IER3IP1: variants seen among roughly 807,000 people sequenced by gnomAD.
IER3IP1 encodes the protein immediate early response 3 interacting protein 1.
IER3IP1 carries 16 observed loss-of-function variants against 12.2 expected under a neutral mutation model. That is an observed-to-expected ratio of 1.31 (90% CI 0.89 to 1.99). IER3IP1 has a LOEUF of 1.99. IER3IP1 is among the 30% of genes most tolerant of loss of function. The probability of loss-of-function intolerance (pLI) is 0.00; values close to 1 mark genes in which losing one functional copy is unlikely to be tolerated. For synonymous variants in IER3IP1, 42 were observed against 40.0 expected (o/e 1.05, Z -0.19); for missense variants, 95 against 95.8 (o/e 0.99, Z 0.03).
intron 2 of IER3IP1, 119 bp downstream of exon 2, chr18:47,157,317 T>A (rs995455081): frequency 2.6e-6 from 2 of 768,238 alleles, no homozygotes; most frequent in Non-Finnish European, 4.4e-6. Context: ...AGCAAAGCCA[T>A]GTTAAAGAGA....
At position 47,159,355 on chromosome 18, in the gene IER3IP1, C is replaced by T. The variant is rs138176488; in HGVS notation, c.92-1818G>A. ...AAATTTTATTTTTCACTAATGCAGA[C>T]AGATATAAAGAACCTTTCTTTATTT... is the stretch of plus-strand genomic sequence containing the variant. On this transcript the variant is annotated intron_variant, in intron 1 of 2. Transcript: ENST00000256433. Among the ~76,000 whole-genome samples, 7 of 152,282 alleles carry T rather than the reference C, an allele frequency of 4.6e-5. No individual in the cohort carries two copies. The East Asian group carries it at 1.2e-3, about 25-fold the overall frequency.
intron 1 of IER3IP1, among the ~76,000 whole-genome samples, chr18:47,168,131 A>T (rs2064002257): frequency 1.6e-5 from 2 of 125,858 alleles, no homozygotes; most frequent in African/African-American, 6.2e-5. Flanking sequence ...GTCTCAAAAA[A>T]AAAAAAAAAA....
intron 1 of IER3IP1, among the ~76,000 whole-genome samples, chr18:47,158,383 C>G (rs1291725155): frequency 1.3e-5 from 2 of 152,010 alleles, no homozygotes; most frequent in African/African-American, 2.4e-5. Context: ...TGGAGTTGCC[C>G]AGGCTGGAGT....
rs2063954548 is a variant in IER3IP1, at chr18:47,155,309, C to G, written c.*868G>C. Reference sequence around the variant, plus strand: ...TCACACTCCACAATGTGCTGCTCCACCAAGAAATAGAAATGTAATGATTTT... The same window carrying G: ...TCACACTCCACAATGTGCTGCTCCAGCAAGAAATAGAAATGTAATGATTTT... On this transcript the variant is annotated 3_prime_UTR_variant, in exon 3 of 3. Transcript: ENST00000256433. The G allele has an allele frequency of 6.6e-6, 1 of 152,148 alleles. No homozygotes were observed. Among genetic ancestry groups the G allele is most frequent in the Admixed American group, 6.5e-5 (1 of 15,272 alleles). 9.4% of individuals were successfully genotyped at this position (152,148 alleles called of 1,614,324 possible).
chr18:47,173,901 A>G (rs994074172), intron 1 of IER3IP1, among the ~76,000 whole-genome samples: 1 of 152,148 alleles, frequency 6.6e-6, no homozygotes, highest in Non-Finnish European at 1.5e-5. Flanking sequence ...CTCAGTTGTC[A>G]CATGATCTTC....
At chr18:47,163,825 C>T (rs2063987473) in intron 1 of IER3IP1, among the ~76,000 whole-genome samples, 1 of 152,074 alleles carries the variant, frequency 6.6e-6, no homozygotes, top group African/African-American at 2.4e-5. Context: ...ACATGAATAT[C>T]CTGAGGGCTA....
chr18:47,171,565 T>G (rs1781302418), intron 1 of IER3IP1, among the ~76,000 whole-genome samples: 1 of 152,240 alleles, frequency 6.6e-6, no homozygotes, highest in Admixed American at 6.5e-5. Context: ...GATTTCCCAT[T>G]TACTTGAGTC....
chr18:47,157,564 TAA>T (rs760964246), intron 1 of IER3IP1, 27 bp from the exon 2 acceptor site: 47 of 1,587,976 alleles, frequency 3.0e-5, no homozygotes, highest in Non-Finnish European at 3.9e-5. Flanking sequence ...TTAGCTGTGT[TAA>T]AAGTTATTAC....
At chr18:47,164,478 G>A (rs1213649663) in intron 1 of IER3IP1, among the ~76,000 whole-genome samples, 1 of 151,886 alleles carries the variant, frequency 6.6e-6, no homozygotes, top group Non-Finnish European at 1.5e-5. Context: ...GCTTTAAGAA[G>A]CATTGCTGTT....
At chr18:47,168,301 C>CAAAAAAAAAAAAAAAAA (rs35347851) in intron 1 of IER3IP1, among the ~76,000 whole-genome samples, 2 of 107,166 alleles carry the variant, frequency 1.9e-5, no homozygotes, top group African/African-American at 3.8e-5. Context: ...GACTCCATCA[C>CAAAAAAAAAAAAAAAAA]AAAAAAAAAA....
intron 1 of IER3IP1, among the ~76,000 whole-genome samples, chr18:47,158,806 C>CA (rs2063970068): frequency 6.6e-6 from 1 of 151,576 alleles, no homozygotes; most frequent in South Asian, 2.1e-4. Flanking sequence ...ACTAAAAATA[C>CA]AAAAATTAGC....
At chr18:47,157,357 T>C (rs2144423024) in intron 2 of IER3IP1, 79 bp downstream of exon 2, 2 of 1,154,096 alleles carry the variant, frequency 1.7e-6, no homozygotes, top group African/African-American at 1.5e-5. Context: ...ATGGCATATA[T>C]GGTATTCACA....
chr18:47,159,707 A>C (rs2063973470), intron 1 of IER3IP1, among the ~76,000 whole-genome samples: 1 of 152,212 alleles, frequency 6.6e-6, no homozygotes, highest in Admixed American at 6.5e-5. Flanking sequence ...GATATTCCTT[A>C]AGAGCTGGTT....
At chr18:47,157,000 C>T in intron 2 of IER3IP1, 1 of 179,122 alleles carries the variant, frequency 5.6e-6, no homozygotes, top group Non-Finnish European at 1.2e-5. Context: ...CCATGTTGGC[C>T]AGGCTGGTCT....
At chr18:47,170,562 CTTCT>C (rs2064012090) in intron 1 of IER3IP1, among the ~76,000 whole-genome samples, 1 of 152,016 alleles carries the variant, frequency 6.6e-6, no homozygotes, top group Non-Finnish European at 1.5e-5. Context: ...GATCTTTAAT[CTTCT>C]TTCTTTCAAC....
intron 1 of IER3IP1, among the ~76,000 whole-genome samples, chr18:47,175,527 A>T (rs1281815528): frequency 6.6e-6 from 1 of 152,044 alleles, no homozygotes; most frequent in Non-Finnish European, 1.5e-5. Flanking sequence ...GCAATGGCGC[A>T]ATCTCGGCTC....
At position 47,172,468 on chromosome 18, in the gene IER3IP1, T is replaced by C. The variant is rs2064018611; in HGVS notation, c.91+3719A>G. 6.6e-6 allele frequency among the ~76,000 whole-genome samples: 1 copy of C among 152,152 alleles called. No homozygotes were observed. The highest frequency in any genetic ancestry group is 1.9e-4 in the East Asian group (1 of 5,192). On this transcript the variant is annotated intron_variant, in intron 1 of 2. Transcript: ENST00000256433. This position sits in a 1 kb window ranked among gnomAD's most constrained non-coding sequence, Gnocchi z 4.0. Reference sequence around the variant, plus strand: ...CCTTAACTTACAGTAGTCCTCCCCCTTAATCTTGGAGATACACTTCAAGAT... The same window carrying C: ...CCTTAACTTACAGTAGTCCTCCCCCCTAATCTTGGAGATACACTTCAAGAT...
rs752357555 is a variant in IER3IP1, at chr18:47,176,295, C to T, written c.-18G>A. On this transcript the variant is annotated 5_prime_UTR_variant, in exon 1 of 3. Transcript: ENST00000256433. ...AAGGCCATGGCCGTCCGAGGCCGCC[C>T]CGAAGTCCAAGCGATTTCTCTCCCG... 5 of 1,591,754 alleles carry T rather than the reference C, an allele frequency of 3.1e-6. No homozygotes were observed. Among genetic ancestry groups the T allele is most frequent in the Non-Finnish European group, 4.3e-6 (5 of 1,168,132 alleles).
intron 1 of IER3IP1, among the ~76,000 whole-genome samples, chr18:47,160,305 A>AACAC (rs2144426496): frequency 6.6e-6 from 1 of 152,354 alleles, no homozygotes; most frequent in African/African-American, 2.4e-5. Flanking sequence ...TGGTGGAAAC[A>AACAC]ACACTGGTGA....
Sources: gnomAD v4.1 joint callset for allele counts (sites outside exome capture counted in the v4.1 genomes callset) on GRCh38, gnomAD v4.1.1 for gene constraint, Gnocchi (gnomAD v3.1) non-coding constraint, MANE v1.5 for transcripts, NCBI Gene and HGNC (gene_info 2026-07-23, HGNC 2026-07-21) for gene names.